The following ARHGAP44 variants were observed in gnomAD, a reference collection of about 807,000 sequenced individuals.
ARHGAP44 encodes rho GTPase-activating protein 44.
In ARHGAP44, 43 loss-of-function variants were observed where a neutral mutation model predicts 106.8. The observed-to-expected ratio is 0.40, with a 90% CI of 0.32 to 0.52. The LOEUF is 0.52. Among genes scored for constraint, ARHGAP44 ranks in the 20% least tolerant of loss-of-function variants. The pLI, the probability that ARHGAP44 is intolerant of heterozygous loss-of-function variation, is 0.48. For synonymous variants in ARHGAP44, 439 were observed against 410.3 expected, an observed-to-expected ratio of 1.07 and a Z score of -0.85; for missense variants, 866 against 1,050.5, an observed-to-expected ratio of 0.82 and a Z score of 2.43.
chr17:12,807,139 T>C lies in ARHGAP44; in HGVS notation c.53+17248T>C, dbSNP rs572354633. ...ATGTCGTCTCAGCCTAATGGCCTCC[T>C]AATTAATTTTATTGACACTTATGTG... On this transcript the variant is annotated intron_variant, in intron 1 of 20. Transcript: ENST00000379672. Among the ~76,000 whole-genome samples the C allele has an allele frequency of 2.3e-4, 35 of 152,310 alleles. No individual in the cohort carries two copies. In the South Asian group the frequency reaches 5.2e-3, roughly 23 times the overall value.
At chr17:12,976,808 G>C (rs2039694866) in intron 18 of ARHGAP44, among the ~76,000 whole-genome samples, 1 of 152,040 alleles carries the variant, frequency 6.6e-6, no homozygotes, top group African/African-American at 2.4e-5. Flanking sequence ...GAGAGATGCA[G>C]ATGCGGGCAC....
intron 3 of ARHGAP44, among the ~76,000 whole-genome samples, chr17:12,902,849 G>C (rs2037413378): frequency 1.3e-5 from 2 of 152,122 alleles, no homozygotes; most frequent in African/African-American, 4.8e-5. Flanking sequence ...AGGTCAGTGA[G>C]GTAAAGCACG....
chr17:12,969,857 G>A (rs2039483057), intron 16 of ARHGAP44, among the ~76,000 whole-genome samples: 1 of 152,152 alleles, frequency 6.6e-6, no homozygotes, highest in African/African-American at 2.4e-5. Flanking sequence ...CAGGAAGGGA[G>A]GTATTAGCTC....
chr17:12,865,087 G>A (rs2036196951), intron 1 of ARHGAP44, among the ~76,000 whole-genome samples: 1 of 152,112 alleles, frequency 6.6e-6, no homozygotes, highest in Non-Finnish European at 1.5e-5. Context: ...GAAAAGTCAG[G>A]CAAGGTGAAT....
intron 16 of ARHGAP44, among the ~76,000 whole-genome samples, chr17:12,963,904 T>G (rs563356028): frequency 6.6e-6 from 1 of 152,346 alleles, no homozygotes; most frequent in South Asian, 2.1e-4. Context: ...GTGATTCTAA[T>G]GTGCTGGGGT....
At chr17:12,802,626 T>A (rs530329656) in intron 1 of ARHGAP44, among the ~76,000 whole-genome samples, 1 of 151,938 alleles carries the variant, frequency 6.6e-6, no homozygotes, top group African/African-American at 2.4e-5. Context: ...CTGTTTAACA[T>A]ACCCAGTTGT....
chr17:12,921,465 G>A (rs1195318379), intron 6 of ARHGAP44, among the ~76,000 whole-genome samples: 2 of 152,106 alleles, frequency 1.3e-5, no homozygotes, highest in Non-Finnish European at 2.9e-5. Flanking sequence ...TCTGCCTCAG[G>A]TCTCCCAAGT....
intron 6 of ARHGAP44, among the ~76,000 whole-genome samples, chr17:12,922,964 T>C (rs2038128718): frequency 6.6e-6 from 1 of 152,196 alleles, no homozygotes; most frequent in African/African-American, 2.4e-5. Flanking sequence ...TTTTTATATC[T>C]TCAGCTTATC....
intron 1 of ARHGAP44, among the ~76,000 whole-genome samples, chr17:12,873,687 C>T (rs930253364): frequency 4.6e-5 from 7 of 152,116 alleles, no homozygotes; most frequent in African/African-American, 1.7e-4. Flanking sequence ...CACCTGAGGT[C>T]AGGAGTTTGA....
At chr17:12,853,713 C>T (rs372717560) in intron 1 of ARHGAP44, among the ~76,000 whole-genome samples, 23 of 152,312 alleles carry the variant, frequency 1.5e-4, no homozygotes, top group South Asian at 1.0e-3. Flanking sequence ...AGAGTTAACT[C>T]GCATTTTCTC....
chr17:12,971,308 A>G (rs1263901735), intron 16 of ARHGAP44, among the ~76,000 whole-genome samples: 1 of 152,110 alleles, frequency 6.6e-6, no homozygotes, highest in African/African-American at 2.4e-5. Flanking sequence ...TGTTGGGGAA[A>G]TAGAAGGCAT....
chr17:12,816,203 T>C (rs140836480), intron 1 of ARHGAP44, among the ~76,000 whole-genome samples: 1 of 152,310 alleles, frequency 6.6e-6, no homozygotes, highest in East Asian at 1.9e-4. Context: ...TTGAGCCTCT[T>C]GGTTTTTAGG....
At chr17:12,795,868 A>G (rs1175690366) in intron 1 of ARHGAP44, among the ~76,000 whole-genome samples, 1 of 152,050 alleles carries the variant, frequency 6.6e-6, no homozygotes, top group Non-Finnish European at 1.5e-5. Flanking sequence ...CTGTCTAGCA[A>G]TTTCAAACTC....
At chr17:12,978,035 T>TAAAAAAAAAAAAAAAAAA (rs757585682) in intron 18 of ARHGAP44, among the ~76,000 whole-genome samples, 1,366 of 55,400 alleles carry the variant, frequency 0.025, 295 homozygotes, top group East Asian at 0.12. Flanking sequence ...AGACTCCATC[T>TAAAAAAAAAAAAAAAAAA]CAAAAAAAAA....
chr17:12,805,688 C>T (rs750587288), intron 1 of ARHGAP44, among the ~76,000 whole-genome samples: 5 of 152,118 alleles, frequency 3.3e-5, no homozygotes, highest in East Asian at 1.9e-4. Context: ...AGATATTTAC[C>T]GACCACTTAA....
chr17:12,940,885 G>T (rs2038688573), intron 7 of ARHGAP44, among the ~76,000 whole-genome samples, 171 bp from the exon 8 acceptor site: 1 of 152,210 alleles, frequency 6.6e-6, no homozygotes, highest in Admixed American at 6.5e-5. Context: ...ATTTTTCAGA[G>T]TTGTGGTTGA....
At chr17:12,967,821 C>G (rs1372324509) in intron 16 of ARHGAP44, among the ~76,000 whole-genome samples, 2 of 152,182 alleles carry the variant, frequency 1.3e-5, no homozygotes, top group African/African-American at 2.4e-5. Flanking sequence ...TCTCCAGCAT[C>G]AACGAGCCAT....
intron 17 of ARHGAP44, 40 bp downstream of exon 17, chr17:12,973,359 T>C: frequency 1.3e-6 from 2 of 1,593,704 alleles, no homozygotes; most frequent in Non-Finnish European, 1.7e-6. Flanking sequence ...ATGCTCAGTC[T>C]CTTCAACTGA....
intron 16 of ARHGAP44, among the ~76,000 whole-genome samples, chr17:12,972,355 T>A (rs9911546): frequency 0.46 from 70,387 of 151,942 alleles, 16,812 homozygotes; most frequent in African/African-American, 0.58. Context: ...AACTTAGAAG[T>A]CAGTGGATAA....
Sources: allele counts gnomAD v4.1 joint callset (sites outside exome capture counted in the v4.1 genomes callset), GRCh38; gene constraint gnomAD v4.1.1; transcripts MANE v1.5; gene names NCBI Gene and HGNC (gene_info 2026-07-23, HGNC 2026-07-21).